The following PIEZO2 variants were observed in gnomAD, a reference collection of about 807,000 sequenced individuals.
The protein encoded by PIEZO2 is piezo type mechanosensitive ion channel component 2, also known as piezo-type mechanosensitive ion channel component 2.
In PIEZO2, 172 loss-of-function variants were observed where a neutral mutation model predicts 337.3. The ratio of observed to expected loss-of-function variants is 0.51; its 90% CI spans 0.45 to 0.58. The LOEUF is 0.58. Among genes scored for constraint, PIEZO2 ranks in the 20% least tolerant of loss-of-function variants. The pLI, the probability that PIEZO2 is intolerant of heterozygous loss-of-function variation, is 0.00. For synonymous variants in PIEZO2, 1,251 were observed against 1,228.5 expected, an observed-to-expected ratio of 1.02 and a Z score of -0.38; for missense variants, 3,028 against 3,391.3, an observed-to-expected ratio of 0.89 and a Z score of 2.66.
At chr18:11,138,674 A>G (rs1218147025) in intron 1 of PIEZO2, among the ~76,000 whole-genome samples, 1 of 152,236 alleles carries the variant, frequency 6.6e-6, no homozygotes, top group African/African-American at 2.4e-5. Context: ...GGACTATACA[A>G]GGTCCCTGAA....
rs964969795 is a variant in PIEZO2, at chr18:10,676,655, G to C, written c.8081+1092C>G. On this transcript the variant is annotated intron_variant, in intron 53 of 55. Coordinates refer to ENST00000674853, the MANE Select transcript of PIEZO2 (RefSeq NM_001378183.1). The surrounding 1 kb of genome is among the most constrained non-coding windows in gnomAD (Gnocchi z 5.1). The stretch of plus-strand genomic sequence containing the variant: ...GCTTTTGGTGATTATGGTCAGATAA[G>C]AGCAAGGTTTGTCATCTAGAGATGA... Among the ~76,000 whole-genome samples, 5 of 152,218 alleles carry C rather than the reference G, an allele frequency of 3.3e-5. No homozygotes were observed. Among genetic ancestry groups the C allele is most frequent in the Non-Finnish European group, 1.5e-5 (1 of 68,034 alleles).
intron 35 of PIEZO2, among the ~76,000 whole-genome samples, chr18:10,733,574 G>C (rs370820785): frequency 6.6e-6 from 1 of 150,728 alleles, no homozygotes; most frequent in Non-Finnish European, 1.5e-5. Flanking sequence ...TCAGCCTCCC[G>C]AGTAGCTGGG....
At chr18:11,103,090 G>A (rs2039465008) in intron 1 of PIEZO2, among the ~76,000 whole-genome samples, 1 of 152,086 alleles carries the variant, frequency 6.6e-6, no homozygotes. Flanking sequence ...ACATAAAAGG[G>A]TGCTGATTCT....
At chr18:11,098,970 A>T (rs865917382) in intron 1 of PIEZO2, among the ~76,000 whole-genome samples, 16 of 140,892 alleles carry the variant, frequency 1.1e-4, no homozygotes, top group South Asian at 2.4e-4. Flanking sequence ...TATAATTTAA[A>T]TTTTTTTTTT....
chr18:11,071,291 T>A (rs1568348206), intron 1 of PIEZO2, among the ~76,000 whole-genome samples: 1 of 152,202 alleles, frequency 6.6e-6, no homozygotes, highest in African/African-American at 2.4e-5. Flanking sequence ...CAAGCTCGGA[T>A]TCTCTTTCCA....
rs1328498391 is a variant in PIEZO2, at chr18:11,127,863, A to G, written c.64+20662T>C. Among the ~76,000 whole-genome samples, 1 of 150,612 alleles carries G rather than the reference A, an allele frequency of 6.6e-6. No individual in the cohort carries two copies. Among genetic ancestry groups the G allele is most frequent in the African/African-American group, 2.4e-5 (1 of 40,828 alleles). ...TCTCTTCCTCTAAGAGAACCCTAAT[A>G]CAGATTTTGGTATCAGGAGTGGTTC... On this transcript the variant is annotated intron_variant, in intron 1 of 55. Coordinates refer to ENST00000674853, the MANE Select transcript of PIEZO2 (RefSeq NM_001378183.1). The surrounding 1 kb of genome is among the most constrained non-coding windows in gnomAD (Gnocchi z 4.5).
At chr18:11,057,867 C>CT (rs2037787714) in intron 2 of PIEZO2, among the ~76,000 whole-genome samples, 1 of 152,214 alleles carries the variant, frequency 6.6e-6, no homozygotes, top group African/African-American at 2.4e-5. Flanking sequence ...TGTCATATAT[C>CT]TAACTGCTGA....
In PIEZO2 at chr18:11,145,072, T is replaced by C. The variant is rs913707664; in HGVS notation, c.64+3453A>G. On this transcript the variant is annotated intron_variant, in intron 1 of 55. Coordinates refer to ENST00000674853, the MANE Select transcript of PIEZO2 (RefSeq NM_001378183.1). The stretch of plus-strand genomic sequence containing the variant: ...ATGTTCAATAATTATCAGTTATAAT[T>C]ATTAGAGATTGCATAATATGGAAAG... Among the ~76,000 whole-genome samples, 9 of 152,316 alleles carry C rather than the reference T, an allele frequency of 5.9e-5. No individual in the cohort carries two copies. In the South Asian group the frequency reaches 8.3e-4, roughly 14 times the overall value.
At chr18:10,886,323 C>CATATATAT (rs58335722) in intron 4 of PIEZO2, among the ~76,000 whole-genome samples, 391 of 26,308 alleles carry the variant, frequency 0.015, 13 homozygotes, top group African/African-American at 0.025. Flanking sequence ...CCTATACATA[C>CATATATAT]ATATATATAT....
At chr18:10,737,298 C>CAAA (rs962564265) in intron 33 of PIEZO2, among the ~76,000 whole-genome samples, 4 of 104,574 alleles carry the variant, frequency 3.8e-5, no homozygotes, top group African/African-American at 1.6e-4. Context: ...AAAAAAAAAA[C>CAAA]AAAAAAACAC....
chr18:10,720,036 T>C (rs2036191210), intron 36 of PIEZO2, among the ~76,000 whole-genome samples: 1 of 151,982 alleles, frequency 6.6e-6, no homozygotes, highest in African/African-American at 2.4e-5. Flanking sequence ...GAAGTACATC[T>C]TGAGAATTTT....
At chr18:11,060,433 C>CA (rs779657727) in intron 2 of PIEZO2, among the ~76,000 whole-genome samples, 3 of 151,714 alleles carry the variant, frequency 2.0e-5, no homozygotes, top group African/African-American at 7.3e-5. Flanking sequence ...GAGATAGAGA[C>CA]CAAAAAACCC....
At chr18:10,715,885 A>C in intron 37 of PIEZO2, 69 bp from the exon 38 acceptor site, 1 of 1,309,486 alleles carries the variant, frequency 7.6e-7, no homozygotes, top group Non-Finnish European at 1.0e-6. Flanking sequence ...TGTGTAGCCC[A>C]GCGATGTTTT....
intron 7 of PIEZO2, among the ~76,000 whole-genome samples, chr18:10,840,427 G>A (rs2041155019): frequency 2.0e-5 from 3 of 152,262 alleles, no homozygotes; most frequent in African/African-American, 7.2e-5. Flanking sequence ...TCATGAGAAT[G>A]AACGTTAGAG....
chr18:11,047,637 T>G lies in PIEZO2; in HGVS notation c.160+18490A>C, dbSNP rs913164542. On this transcript the variant is annotated intron_variant, in intron 2 of 55. Coordinates refer to ENST00000674853, the MANE Select transcript of PIEZO2 (RefSeq NM_001378183.1). The surrounding 1 kb of genome is among the most constrained non-coding windows in gnomAD (Gnocchi z 7.2). ...CCAACACTCCAGGCAATAGGGAGAATCGAAGTCTTGGTCCTAAGGAGGAGG... is the reference window on the plus strand; with the variant it reads ...CCAACACTCCAGGCAATAGGGAGAAGCGAAGTCTTGGTCCTAAGGAGGAGG... Among the ~76,000 whole-genome samples, 1 of 152,004 alleles carries G rather than the reference T, an allele frequency of 6.6e-6. No individual in the cohort carries two copies. The highest frequency in any genetic ancestry group is 2.4e-5 in the African/African-American group (1 of 41,378).
chr18:11,090,685 G>A (rs1315562159), intron 1 of PIEZO2, among the ~76,000 whole-genome samples: 1 of 152,148 alleles, frequency 6.6e-6, no homozygotes, highest in African/African-American at 2.4e-5. Context: ...TAAGAGAAGG[G>A]CGATTCACGA....
At chr18:10,964,117 A>G (rs948452678) in intron 3 of PIEZO2, among the ~76,000 whole-genome samples, 5 of 152,264 alleles carry the variant, frequency 3.3e-5, no homozygotes, top group Admixed American at 1.3e-4. Flanking sequence ...CCATTTGGGG[A>G]AAAAAATCCA....
In PIEZO2 at chr18:10,797,422, G is replaced by T; in HGVS notation, c.1479C>A (p.Phe493Leu). 2 of 1,537,084 alleles carry T rather than the reference G, an allele frequency of 1.3e-6. No individual in the cohort carries two copies. The highest frequency in any genetic ancestry group is 1.7e-6 in the Non-Finnish European group (2 of 1,146,882). Residue 493 changes from phenylalanine (F) to leucine (L), a missense_variant, in exon 12 of 56, where the codon TTC (phenylalanine) becomes TTA (leucine). Phe to Leu is a conservative substitution (Grantham distance 22, BLOSUM62 0). This residue lies in a region of PIEZO2 where 542 missense variants were observed against 605.6 expected (regional missense o/e 0.89). Coordinates refer to ENST00000674853, the MANE Select transcript of PIEZO2 (RefSeq NM_001378183.1). ...SIKVHAMVSV[F>L]QFIMKQSYIC... The stretch of plus-strand genomic sequence containing the variant: ...TGTAACTTTGTTTCATAATAAATTG[G>T]AATACGGAGACCATGGCATGAACTT...
chr18:10,711,959 C>A (rs539246336), intron 39 of PIEZO2, among the ~76,000 whole-genome samples: 1 of 147,090 alleles, frequency 6.8e-6, no homozygotes, highest in Non-Finnish European at 1.5e-5. Flanking sequence ...CAGTGGGATG[C>A]GTGTGAATGT....
Sources: gnomAD v4.1 joint callset for allele counts (sites outside exome capture counted in the v4.1 genomes callset) on GRCh38, gnomAD v4.1.1 for gene constraint, gnomAD v4.1.1 regional missense constraint, Gnocchi (gnomAD v3.1) non-coding constraint, MANE v1.5 for transcripts, NCBI Gene and HGNC (gene_info 2026-07-23, HGNC 2026-07-21) for gene names.